EMILIN2: variants seen among roughly 807,000 people sequenced by gnomAD.
EMILIN2 encodes elastin microfibril interfacer 2.
EMILIN2 carries 71 observed loss-of-function variants against 87.1 expected under a neutral mutation model. The ratio of observed to expected loss-of-function variants is 0.82; its 90% CI spans 0.67 to 0.99. The LOEUF is 0.99. Ranked by LOEUF, EMILIN2 falls within the 50% of genes least tolerant of loss-of-function variation. The pLI, the probability that EMILIN2 is intolerant of heterozygous loss-of-function variation, is 0.00. For synonymous variants in EMILIN2, 581 were observed against 563.4 expected, an observed-to-expected ratio of 1.03 and a Z score of -0.44; for missense variants, 1,407 against 1,371.8, an observed-to-expected ratio of 1.03 and a Z score of -0.40.
chr18:2,900,020 C>T (rs1293119032), intron 4 of EMILIN2, among the ~76,000 whole-genome samples: 1 of 152,132 alleles, frequency 6.6e-6, no homozygotes, highest in African/African-American at 2.4e-5. Context: ...CTATATTTAG[C>T]CCTATCCCAC....
At chr18:2,910,935 C>A (rs898858251) in intron 7 of EMILIN2, among the ~76,000 whole-genome samples, 1 of 152,200 alleles carries the variant, frequency 6.6e-6, no homozygotes, top group African/African-American at 2.4e-5. Context: ...TACTTTCCAC[C>A]GCCATGTAGC....
Position 2,915,870 on chromosome 18 carries a change from C to T in EMILIN2, c.*2466C>T, listed in dbSNP as rs1248743012. ...AGTTGTTGCTGAGAAAAGGTCAGGACACTTCTTAAGTAGAGAAGGACTGTG... is the reference window on the plus strand; with the variant it reads ...AGTTGTTGCTGAGAAAAGGTCAGGATACTTCTTAAGTAGAGAAGGACTGTG... On this transcript the variant is annotated 3_prime_UTR_variant, in exon 8 of 8. Coordinates refer to ENST00000254528, the MANE Select transcript of EMILIN2 (RefSeq NM_032048.3). The T allele has an allele frequency of 6.6e-6, 1 of 152,212 alleles. No homozygotes were observed. Among genetic ancestry groups the T allele is most frequent in the Non-Finnish European group, 1.5e-5 (1 of 68,056 alleles). 9.4% of individuals were successfully genotyped at this position (152,212 alleles called of 1,614,324 possible).
chr18:2,876,771 A>C (rs560252297), intron 2 of EMILIN2, among the ~76,000 whole-genome samples: 32 of 151,302 alleles, frequency 2.1e-4, no homozygotes, highest in African/African-American at 7.4e-4. Flanking sequence ...GTCTCAAAAA[A>C]TATATAGATA....
rs572238941 is a variant in EMILIN2, at chr18:2,899,747, AT to A, written c.2360-7035del. On this transcript the variant is annotated intron_variant, in intron 4 of 7. Transcript: ENST00000254528. ...TCAAACTCCTGACCTCAGGTGATCC[AT>A]CCACCTCAGCCTCCCAAAGTGCTGG... Among the ~76,000 whole-genome samples, 11 of 152,228 alleles carry A rather than the reference AT, an allele frequency of 7.2e-5. No homozygotes were observed. The South Asian group carries it at 1.2e-3, about 17-fold the overall frequency.
At chr18:2,872,855 G>A (rs144580453) in intron 2 of EMILIN2, among the ~76,000 whole-genome samples, 2 of 152,162 alleles carry the variant, frequency 1.3e-5, no homozygotes, top group African/African-American at 4.8e-5. Flanking sequence ...TTAATTGTGT[G>A]GCTTCTTTGA....
At chr18:2,903,076 C>T (rs1314602443) in intron 4 of EMILIN2, among the ~76,000 whole-genome samples, 45 of 151,444 alleles carry the variant, frequency 3.0e-4, no homozygotes, top group Admixed American at 2.8e-3. Context: ...GATAGAGAGA[C>T]ATACGCTTGG....
At chr18:2,868,367 CAG>C (rs771460325) in intron 2 of EMILIN2, among the ~76,000 whole-genome samples, 24 of 152,182 alleles carry the variant, frequency 1.6e-4, no homozygotes, top group Non-Finnish European at 2.9e-4. Context: ...GGCGGCCACG[CAG>C]AGACACTCCT....
In EMILIN2 at chr18:2,848,090, C is replaced by T. The variant is rs368312797; in HGVS notation, c.257+159C>T. 6.6e-6 allele frequency among the ~76,000 whole-genome samples: 1 copy of T among 152,154 alleles called. No homozygotes were observed. The highest frequency in any genetic ancestry group is 6.5e-5 in the Admixed American group (1 of 15,278). ...AGCGCTCCGAGCGCTCGCGGGGCAC[C>T]GGCCACGCTGGGCTATTTAGGGAGT... On this transcript the variant is annotated intron_variant, in intron 2 of 7. Coordinates refer to ENST00000254528, the MANE Select transcript of EMILIN2 (RefSeq NM_032048.3). The surrounding 1 kb of genome is among the most constrained non-coding windows in gnomAD (Gnocchi z 4.1).
At chr18:2,911,141 G>C (rs1298791463) in intron 7 of EMILIN2, among the ~76,000 whole-genome samples, 1 of 152,232 alleles carries the variant, frequency 6.6e-6, no homozygotes, top group Non-Finnish European at 1.5e-5. Context: ...CTCGGAAGAC[G>C]GCCAAGTGGG....
rs1409505514 is a variant in EMILIN2 at position 2,892,137 on chromosome 18, G to A, written c.2010G>A (p.Leu670=). ...QHPVAHCCSQ[L]EERWQRLQSQ... ...CCGTGGCTCATTGCTGCAGTCAGCT[G>A]GAGGAGAGGTGGCAGAGGTTGCAGA... The change falls in exon 4 of 8, where the codon CTG becomes CTA. Residue 670 remains leucine, a synonymous_variant. Transcript: ENST00000254528. 6.2e-7 allele frequency: 1 copy of A among 1,609,682 alleles called. No individual in the cohort carries two copies. Among genetic ancestry groups the A allele is most frequent in the Non-Finnish European group, 8.5e-7 (1 of 1,176,982 alleles).
chr18:2,892,222 G>T lies in EMILIN2; in HGVS notation c.2095G>T (p.Val699Phe). ...KECTQGVQRE[V>F]SMVEGRVSHM... Reference sequence around the variant, plus strand: ...ATGCACGCAGGGGGTCCAGAGGGAGGTCTCCATGGTGGAGGGCAGGGTGTC... The same window carrying T: ...ATGCACGCAGGGGGTCCAGAGGGAGTTCTCCATGGTGGAGGGCAGGGTGTC... Residue 699 changes from valine to phenylalanine, a missense_variant, in exon 4 of 8, where the codon GTC becomes TTC. By Grantham distance (50) the Val-to-Phe change is conservative. Transcript: ENST00000254528. 1.2e-6 allele frequency: 2 copies of T among 1,610,036 alleles called. No individual in the cohort carries two copies. The highest frequency in any genetic ancestry group is 8.5e-7 in the Non-Finnish European group (1 of 1,176,936).
chr18:2,899,258 G>A lies in EMILIN2; in HGVS notation c.2359+6772G>A, dbSNP rs79495637. On this transcript the variant is annotated intron_variant, in intron 4 of 7. Coordinates refer to ENST00000254528, the MANE Select transcript of EMILIN2 (RefSeq NM_032048.3). The stretch of plus-strand genomic sequence containing the variant: ...AGAGGGATCTACCCACCCCAGGTAA[G>A]CTGTGCCCAAAAAGAAAGAGGAGGT... Among the ~76,000 whole-genome samples, 24 of 152,288 alleles carry A rather than the reference G, an allele frequency of 1.6e-4. No individual in the cohort carries two copies. In the East Asian group the frequency reaches 4.6e-3, roughly 29 times the overall value.
chr18:2,846,807 G>A (rs1834407377), upstream of EMILIN2: 1 of 985,434 alleles, frequency 1.0e-6, no homozygotes, highest in African/African-American at 1.7e-5. The surrounding 1 kb of genome is among the most constrained non-coding windows in gnomAD (Gnocchi z 5.3). Flanking sequence ...TGGAAATGCT[G>A]TAACGTAGAC....
intron 2 of EMILIN2, among the ~76,000 whole-genome samples, chr18:2,869,180 T>G (rs2076706703): frequency 6.6e-6 from 1 of 152,170 alleles, no homozygotes; most frequent in Non-Finnish European, 1.5e-5. Flanking sequence ...TCTATGTAAT[T>G]GAAATATGTT....
At chr18:2,888,127 A>T (rs1278414730) in intron 3 of EMILIN2, among the ~76,000 whole-genome samples, 2 of 152,214 alleles carry the variant, frequency 1.3e-5, no homozygotes, top group Non-Finnish European at 2.9e-5. Flanking sequence ...TATAGATAAT[A>T]TATGAATATG....
At chr18:2,889,570 T>C (rs2076822645) in intron 3 of EMILIN2, among the ~76,000 whole-genome samples, 1 of 152,158 alleles carries the variant, frequency 6.6e-6, no homozygotes, top group Non-Finnish European at 1.5e-5. Flanking sequence ...GACTCATCAC[T>C]ATCATTCCCC....
intron 2 of EMILIN2, among the ~76,000 whole-genome samples, chr18:2,851,102 AAAAG>A (rs2076599223): frequency 1.3e-5 from 2 of 152,022 alleles, no homozygotes; most frequent in East Asian, 3.9e-4. Flanking sequence ...AAAAAAAAAA[AAAAG>A]GAGCTGAATA....
chr18:2,858,583 G>GTATA lies in EMILIN2; in HGVS notation c.257+10668_257+10671dup, dbSNP rs1555665466. ...TATATATATATATGTGTGTGTGTGT[G>GTATA]TATATATATATATATATATGTGTAT... is the stretch of plus-strand genomic sequence containing the variant. On this transcript the variant is annotated intron_variant, in intron 2 of 7. Coordinates refer to ENST00000254528, the MANE Select transcript of EMILIN2 (RefSeq NM_032048.3). Among the ~76,000 whole-genome samples the GTATA allele has an allele frequency of 5.5e-3, 346 of 63,004 alleles. 40 individuals are homozygous for GTATA. Among genetic ancestry groups the GTATA allele is most frequent in the African/African-American group, 0.023 (244 of 10,692 alleles). 41.3% of individuals were successfully genotyped at this position (63,004 alleles called of 152,430 possible). A position where few individuals can be genotyped will look rare whatever the true frequency, so the allele number is the denominator to read the frequency against.
At chr18:2,913,004 T>C (rs1370291102) in intron 7 of EMILIN2, 63 bp from the exon 8 acceptor site, 9 of 1,560,158 alleles carry the variant, frequency 5.8e-6, no homozygotes, top group Non-Finnish European at 2.6e-6. Context: ...GGGGGCCACT[T>C]ACTACCATGG....
Sources: gnomAD v4.1 joint callset for allele counts (sites outside exome capture counted in the v4.1 genomes callset) on GRCh38, gnomAD v4.1.1 for gene constraint, Gnocchi (gnomAD v3.1) non-coding constraint, MANE v1.5 for transcripts, NCBI Gene and HGNC (gene_info 2026-07-23, HGNC 2026-07-21) for gene names.